NBEAL1: variants seen among roughly 807,000 people sequenced by gnomAD.
The protein encoded by NBEAL1 is neurobeachin like 1, also known as neurobeachin-like protein 1.
In NBEAL1, 273 loss-of-function variants were observed where a neutral mutation model predicts 351.3. The ratio of observed to expected loss-of-function variants is 0.78; its 90% CI spans 0.70 to 0.86. The LOEUF is 0.86. Among genes scored for constraint, NBEAL1 ranks in the 40% least tolerant of loss-of-function variants. The pLI, the probability that NBEAL1 is intolerant of heterozygous loss-of-function variation, is 0.00. For synonymous variants in NBEAL1, 1,050 were observed against 1,086.4 expected, an observed-to-expected ratio of 0.97 and a Z score of 0.66; for missense variants, 2,961 against 3,201.3, an observed-to-expected ratio of 0.92 and a Z score of 1.81.
intron 4 of NBEAL1, 33 bp downstream of exon 4, chr2:203,050,008 T>A: frequency 6.5e-7 from 1 of 1,538,766 alleles, no homozygotes; most frequent in East Asian, 2.4e-5. Context: ...TAGTTTTCAC[T>A]CATAGGTGGG....
chr2:203,134,116 A>G (rs942753629), intron 27 of NBEAL1, among the ~76,000 whole-genome samples: 1 of 152,180 alleles, frequency 6.6e-6, no homozygotes, highest in Admixed American at 6.5e-5. Context: ...GTCCTTCAAA[A>G]TAACTGTACC....
intron 43 of NBEAL1, 25 bp downstream of exon 43, chr2:203,180,537 T>C (rs1018435663): frequency 3.2e-6 from 5 of 1,586,636 alleles, no homozygotes; most frequent in Non-Finnish European, 4.3e-6. Flanking sequence ...ATTAAAAATT[T>C]GACTAGCAGG....
intron 6 of NBEAL1, among the ~76,000 whole-genome samples, chr2:203,064,238 A>G (rs1238464962): frequency 5.3e-5 from 8 of 152,066 alleles, no homozygotes; most frequent in African/African-American, 1.7e-4. Flanking sequence ...TTTTTAGTCA[A>G]GACAGGGTTT....
chr2:203,138,006 T>TGC (rs1427890418), intron 29 of NBEAL1, among the ~76,000 whole-genome samples, 156 bp from the exon 30 acceptor site: 4 of 148,710 alleles, frequency 2.7e-5, no homozygotes, highest in African/African-American at 9.8e-5. Flanking sequence ...AAAAAAAAAA[T>TGC]TCAATTTCCA....
rs2062751038 is a variant in NBEAL1, at chr2:203,118,528, TA to T, written c.2592+2460del. Among the ~76,000 whole-genome samples the T allele has an allele frequency of 3.9e-5, 6 of 152,268 alleles. No homozygotes were observed. The South Asian group carries it at 1.2e-3, about 31-fold the overall frequency. On this transcript the variant is annotated intron_variant, in intron 18 of 55. Coordinates refer to ENST00000683969, the MANE Select transcript of NBEAL1 (RefSeq NM_001378026.1). ...TTCTCCACTATATAGCATAGATAGCTAAGAAATAATTGCATATAATCCAAAC... is the reference window on the plus strand; with the variant it reads ...TTCTCCACTATATAGCATAGATAGCTAGAAATAATTGCATATAATCCAAAC...
chr2:203,190,626 A>G, intron 46 of NBEAL1: 1 of 848,686 alleles, frequency 1.2e-6, no homozygotes, highest in Non-Finnish European at 1.8e-6. Flanking sequence ...AACTTCTAAT[A>G]GCTAACATCT....
At chr2:203,048,851 G>A (rs1274861847) in intron 3 of NBEAL1, among the ~76,000 whole-genome samples, 1 of 148,724 alleles carries the variant, frequency 6.7e-6, no homozygotes. Context: ...AAAGTCTTCT[G>A]TTGATGCCCA....
At chr2:203,111,917 C>T in intron 15 of NBEAL1, 62 bp from the exon 16 acceptor site, 1 of 1,491,626 alleles carries the variant, frequency 6.7e-7, no homozygotes, top group Non-Finnish European at 9.0e-7. Context: ...CTTCTGAAAG[C>T]ATTTGTCATT....
chr2:203,215,687 C>CAA (rs1346803113), intron 55 of NBEAL1, among the ~76,000 whole-genome samples: 2 of 107,474 alleles, frequency 1.9e-5, no homozygotes. Context: ...GACTCCATCT[C>CAA]AAAAAAAAAA....
Position 203,145,067 on chromosome 2 carries a change from C to T in NBEAL1, c.5211C>T (p.Asn1737=), listed in dbSNP as rs1575039385. ...EAHTFYDGHE[N]MALYWKDCYE... is the part of the protein sequence containing the mutation. ...ATACATTTTACGATGGTCATGAGAA[C>T]ATGGCACTTTATTGGAAGGATTGTT... The change falls in exon 33 of 56, where the codon AAC becomes AAT. Residue 1737 remains asparagine, a synonymous_variant. Transcript: ENST00000683969. The T allele has an allele frequency of 1.9e-6, 3 of 1,612,790 alleles. No individual in the cohort carries two copies. In the East Asian group the frequency reaches 6.7e-5, roughly 36 times the overall value.
chr2:203,031,920 T>C (rs919632780), intron 2 of NBEAL1, among the ~76,000 whole-genome samples: 3 of 152,214 alleles, frequency 2.0e-5, no homozygotes, highest in African/African-American at 7.2e-5. Flanking sequence ...CATTGTACCA[T>C]TGTTGATCTG....
chr2:203,206,764 C>A (rs577418579), intron 51 of NBEAL1, among the ~76,000 whole-genome samples: 9 of 151,846 alleles, frequency 5.9e-5, no homozygotes, highest in Non-Finnish European at 1.2e-4. Flanking sequence ...GATCTCGGCT[C>A]GGTACAACAT....
intron 53 of NBEAL1, among the ~76,000 whole-genome samples, chr2:203,209,798 G>A (rs1206618412): frequency 6.6e-6 from 1 of 151,060 alleles, no homozygotes; most frequent in Non-Finnish European, 1.5e-5. Flanking sequence ...GTGCAGTGGC[G>A]CAATCAGTGA....
chr2:203,023,825 G>T (rs991096186), intron 2 of NBEAL1, among the ~76,000 whole-genome samples: 1 of 152,078 alleles, frequency 6.6e-6, no homozygotes, highest in Non-Finnish European at 1.5e-5. Flanking sequence ...TTATTGGAGG[G>T]TTATTATGAG....
chr2:203,159,283 C>G (rs2063883552), intron 36 of NBEAL1, among the ~76,000 whole-genome samples: 1 of 152,004 alleles, frequency 6.6e-6, no homozygotes, highest in South Asian at 2.1e-4. Flanking sequence ...AATGTTTTCA[C>G]AAGTTTGTGC....
At chr2:203,097,344 T>C (rs898735907) in intron 10 of NBEAL1, among the ~76,000 whole-genome samples, 10 of 152,214 alleles carry the variant, frequency 6.6e-5, no homozygotes, top group African/African-American at 2.4e-4. Context: ...TAACTTTGAA[T>C]TCCAAGAGAG....
intron 36 of NBEAL1, among the ~76,000 whole-genome samples, chr2:203,161,623 C>A (rs1351229502): frequency 6.9e-6 from 1 of 145,492 alleles, no homozygotes; most frequent in Admixed American, 6.9e-5. Flanking sequence ...AGCAAGACTC[C>A]GTCTCAAATA....
intron 35 of NBEAL1, among the ~76,000 whole-genome samples, chr2:203,153,302 A>ATTTTT (rs5837843): frequency 8.1e-6 from 1 of 124,148 alleles, no homozygotes; most frequent in Non-Finnish European, 1.6e-5. Flanking sequence ...CATGCCCAGC[A>ATTTTT]TTTTTTTTTT....
chr2:203,136,296 C>G, intron 28 of NBEAL1, 44 bp downstream of exon 28: 2 of 1,260,446 alleles, frequency 1.6e-6, no homozygotes, highest in South Asian at 1.4e-5. Flanking sequence ...ATTTTCATGT[C>G]TGATATATAC....
Sources: gnomAD v4.1 joint callset for allele counts (sites outside exome capture counted in the v4.1 genomes callset) on GRCh38, gnomAD v4.1.1 for gene constraint, MANE v1.5 for transcripts, NCBI Gene and HGNC (gene_info 2026-07-23, HGNC 2026-07-21) for gene names.